Variants in ZNF878 observed in about 807,000 individuals in gnomAD.
The protein encoded by ZNF878 is zinc finger protein 878.
A neutral mutation model predicts 11.1 loss-of-function variants in ZNF878; 10 were observed. The observed-to-expected ratio is 0.90, with a 90% CI of 0.56 to 1.53. ZNF878 has a LOEUF of 1.53. Among genes scored for constraint, ZNF878 ranks in the 40% most tolerant of loss-of-function variants. The probability of loss-of-function intolerance (pLI) is 0.00; values close to 1 mark genes in which losing one functional copy is unlikely to be tolerated. For missense variants in ZNF878, 548 were observed against 626.1 expected (o/e 0.88, Z 1.33); for synonymous variants, 165 against 209.7 (o/e 0.79, Z 1.84).
chr19:12,049,315 G>A (rs1975527251), intron 1 of ZNF878, among the ~76,000 whole-genome samples: 1 of 150,510 alleles, frequency 6.6e-6, no homozygotes, highest in African/African-American at 2.4e-5. Context: ...ACAAAAATTA[G>A]CCAGGTGTGG....
intron 1 of ZNF878, among the ~76,000 whole-genome samples, chr19:12,051,322 T>G (rs1975549942): frequency 6.6e-6 from 1 of 152,124 alleles, no homozygotes; most frequent in Non-Finnish European, 1.5e-5. Flanking sequence ...AAAAAACCTG[T>G]AACTAAATTG....
intron 1 of ZNF878, 107 bp from the exon 2 acceptor site, chr19:12,046,867 A>C (rs1317235901): frequency 6.7e-7 from 1 of 1,491,914 alleles, no homozygotes; most frequent in African/African-American, 1.4e-5. Flanking sequence ...GTGGACTCCA[A>C]ACATTTATTC....
At position 12,044,024 on chromosome 19, in the gene ZNF878, G is replaced by A. The variant is rs1426343088; in HGVS notation, c.1377C>T (p.Ala459=). 2 of 1,613,186 alleles carry A rather than the reference G, an allele frequency of 1.2e-6. No homozygotes were observed. Among genetic ancestry groups the A allele is most frequent in the African/African-American group, 2.7e-5 (2 of 74,828 alleles). Residue 459 remains alanine (A), a synonymous_variant, in exon 4 of 4, where the codon GCC becomes GCT. Transcript: ENST00000547628. ...AGCGAATAGAATTAGAAGAAATGAAGGCTTTTCCACATTGCTTACACTCAT... is the reference window on the plus strand; with the variant it reads ...AGCGAATAGAATTAGAAGAAATGAAAGCTTTTCCACATTGCTTACACTCAT... ...KPYECKQCGK[A]FISSNSIRYH... is the part of the protein sequence containing the mutation.
At chr19:12,050,952 C>T (rs1162383134) in intron 1 of ZNF878, among the ~76,000 whole-genome samples, 3 of 151,776 alleles carry the variant, frequency 2.0e-5, no homozygotes, top group Non-Finnish European at 2.9e-5. Flanking sequence ...AAAAATTAGC[C>T]GGGCGCGGTG....
At chr19:12,051,379 CA>C (rs1568353158) in intron 1 of ZNF878, among the ~76,000 whole-genome samples, 1 of 151,466 alleles carries the variant, frequency 6.6e-6, no homozygotes, top group African/African-American at 2.4e-5. Flanking sequence ...ATTAATTGTA[CA>C]ATTAATTTAG....
intron 1 of ZNF878, among the ~76,000 whole-genome samples, chr19:12,051,487 A>C (rs1454836445): frequency 6.6e-6 from 1 of 151,848 alleles, no homozygotes; most frequent in Non-Finnish European, 1.5e-5. Flanking sequence ...TTCTTTCACC[A>C]TGGCTGGAGT....
chr19:12,044,972 A>T lies in ZNF878; in HGVS notation c.429T>A (p.Tyr143Ter). The stretch of plus-strand genomic sequence containing the variant: ...ATGCTTTCCCACATTCCTTACATTC[A>T]TAAGGCTTTTCCCCAGTGTGAGTTC... ...HGRTHTGEKPYECKECGKAFR... is the reference protein window; with the variant it reads ...HGRTHTGEKP Residue 143 changes from tyrosine to a stop codon, truncating the protein, a stop_gained, in exon 4 of 4, where the codon TAT becomes TAA. Coordinates refer to ENST00000547628, the MANE Select transcript of ZNF878 (RefSeq NM_001080404.3). LOFTEE classifies it low-confidence loss of function (END_TRUNC). 6.2e-7 allele frequency: 1 copy of T among 1,614,176 alleles called. No individual in the cohort carries two copies. Among genetic ancestry groups the T allele is most frequent in the South Asian group, 1.1e-5 (1 of 91,074 alleles).
intron 1 of ZNF878, among the ~76,000 whole-genome samples, chr19:12,048,854 AAAAAG>A (rs1013060216): frequency 1.9e-4 from 26 of 134,512 alleles, no homozygotes; most frequent in African/African-American, 7.0e-4. Context: ...AAAAGAAAAG[AAAAAG>A]AAAAGAAAAG....
At chr19:12,047,290 C>G (rs866993095) in intron 1 of ZNF878, among the ~76,000 whole-genome samples, 2 of 152,052 alleles carry the variant, frequency 1.3e-5, no homozygotes, top group African/African-American at 2.4e-5. Flanking sequence ...TGGCCAGGCA[C>G]GGTGGCTCAT....
rs368365331 is a variant in ZNF878, at chr19:12,044,001, C to T, written c.1400G>A (p.Arg467His). The change falls in exon 4 of 4, where the codon CGC becomes CAC. Residue 467 changes from arginine to histidine, a missense_variant. Physicochemically the swap from Arg to His is conservative, Grantham distance 29. Coordinates refer to ENST00000547628, the MANE Select transcript of ZNF878 (RefSeq NM_001080404.3). The part of the protein sequence containing the change: ...GKAFISSNSI[R>H]YHKRTHTGEK... ...TCCAGTGTGAGTCCTTTTATGATAG[C>T]GAATAGAATTAGAAGAAATGAAGGC... The T allele has an allele frequency of 4.9e-5, 79 of 1,607,656 alleles. No individual in the cohort carries two copies. The African/African-American group carries it at 6.2e-4, about 13-fold the overall frequency.
intron 1 of ZNF878, among the ~76,000 whole-genome samples, chr19:12,049,135 G>A (rs1975525093): frequency 7.6e-6 from 1 of 131,126 alleles, no homozygotes. Flanking sequence ...AGGCAGCTCC[G>A]TCTCAAAAAA....
Position 12,046,618 on chromosome 19 carries a change from A to C in ZNF878, c.130+16T>G. 1 of 1,613,926 alleles carries C rather than the reference A, an allele frequency of 6.2e-7. No homozygotes were observed. The highest frequency in any genetic ancestry group is 1.1e-5 in the South Asian group (1 of 91,072). On this transcript the variant is annotated intron_variant, in intron 2 of 3. Transcript: ENST00000547628. ...GTTCTTTAATTCACTGAGGGAAGTA[A>C]TACTGTCATTCTTACCTATGGAGGT...
intron 1 of ZNF878, among the ~76,000 whole-genome samples, chr19:12,049,757 C>T (rs929845974): frequency 6.6e-6 from 1 of 150,418 alleles, no homozygotes; most frequent in Non-Finnish European, 1.5e-5. Flanking sequence ...GCAACAAGAG[C>T]GAAACTCCAT....
chr19:12,045,763 T>C (rs373285746), intron 3 of ZNF878, among the ~76,000 whole-genome samples: 1 of 152,092 alleles, frequency 6.6e-6, no homozygotes, highest in Admixed American at 6.5e-5. Flanking sequence ...AGTCTCACTC[T>C]GTCGTCAGGC....
At chr19:12,051,889 C>T (rs965333040) in intron 1 of ZNF878, among the ~76,000 whole-genome samples, 3 of 152,020 alleles carry the variant, frequency 2.0e-5, no homozygotes, top group African/African-American at 7.3e-5. Flanking sequence ...CCTGGGGCGA[C>T]GGAGCGAGAC....
intron 3 of ZNF878, among the ~76,000 whole-genome samples, chr19:12,045,553 A>G (rs2145520985): frequency 6.6e-6 from 1 of 151,330 alleles, no homozygotes; most frequent in Admixed American, 6.6e-5. Flanking sequence ...AGGCTGAGGC[A>G]GGAGAATAGT....
rs1975492919 is a variant in ZNF878 at position 12,046,656 on chromosome 19, G to A, written c.108C>T (p.Thr36=). Residue 36 remains threonine, a synonymous_variant, in exon 2 of 4, where the codon ACC becomes ACT. Transcript: ENST00000547628. ...TACCTATGGAGGTCAGGTTCCTCAA[G>A]GTTTCCTGCATCACTTCCCTGTAGA... is the stretch of plus-strand genomic sequence containing the variant. ...KNLYREVMQE[T]LRNLTSIGKK... is the part of the protein sequence containing the mutation. The A allele has an allele frequency of 1.9e-5, 30 of 1,613,978 alleles. No individual in the cohort carries two copies. The highest frequency in any genetic ancestry group is 2.5e-5 in the Non-Finnish European group (30 of 1,179,986).
At chr19:12,050,388 T>C (rs753342616) in intron 1 of ZNF878, among the ~76,000 whole-genome samples, 5 of 152,168 alleles carry the variant, frequency 3.3e-5, no homozygotes, top group Non-Finnish European at 7.3e-5. Context: ...TATAGGGAAA[T>C]GAAATTTAGG....
intron 3 of ZNF878, among the ~76,000 whole-genome samples, chr19:12,045,508 C>T (rs946311373): frequency 1.1e-4 from 16 of 151,730 alleles, no homozygotes; most frequent in South Asian, 2.1e-4. Flanking sequence ...ATTAGCCGGG[C>T]GTGGTGGCAG....
Sources: allele counts gnomAD v4.1 joint callset (sites outside exome capture counted in the v4.1 genomes callset), GRCh38; gene constraint gnomAD v4.1.1; transcripts MANE v1.5; gene names NCBI Gene and HGNC (gene_info 2026-07-23, HGNC 2026-07-21).